Variants in PTPRD observed in about 807,000 individuals in gnomAD.
The protein encoded by PTPRD is protein tyrosine phosphatase receptor type D, also known as receptor-type tyrosine-protein phosphatase delta.
PTPRD carries 34 observed loss-of-function variants against 214.5 expected under a neutral mutation model. The ratio of observed to expected loss-of-function variants is 0.16; its 90% CI spans 0.12 to 0.21. The LOEUF (loss-of-function observed/expected upper bound fraction) is 0.21. Among genes scored for constraint, PTPRD ranks in the 10% least tolerant of loss-of-function variants. The pLI is 1.00. For synonymous variants in PTPRD, 1,128 were observed against 845.7 expected, an observed-to-expected ratio of 1.33 and a Z score of -5.79; for missense variants, 2,545 against 2,398.7, an observed-to-expected ratio of 1.06 and a Z score of -1.27.
chr9:9,887,992 G>A (rs139357782), intron 5 of PTPRD, among the ~76,000 whole-genome samples: 4 of 152,174 alleles, frequency 2.6e-5, no homozygotes, highest in African/African-American at 9.6e-5. Flanking sequence ...AACAGAAAAT[G>A]ACACCTGACG....
chr9:8,861,599 A>C (rs889713441), intron 11 of PTPRD: 1 of 152,212 alleles, frequency 6.6e-6, no homozygotes, highest in African/African-American at 2.4e-5. Flanking sequence ...AATTTGGCCA[A>C]GCTGACACAG....
intron 9 of PTPRD, among the ~76,000 whole-genome samples, chr9:9,248,118 G>A (rs574633609): frequency 6.6e-6 from 1 of 151,660 alleles, no homozygotes; most frequent in East Asian, 1.9e-4. Flanking sequence ...TTTGAGACAG[G>A]GTCTCACTCT....
intron 11 of PTPRD, among the ~76,000 whole-genome samples, chr9:9,010,363 T>C (rs1567571952): frequency 6.6e-6 from 1 of 152,214 alleles, no homozygotes; most frequent in Non-Finnish European, 1.5e-5. Flanking sequence ...TGACATGCTA[T>C]AGGATATTCC....
At chr9:9,422,357 G>A (rs1052320583) in intron 8 of PTPRD, among the ~76,000 whole-genome samples, 1 of 152,078 alleles carries the variant, frequency 6.6e-6, no homozygotes, top group African/African-American at 2.4e-5. Context: ...CAAAATATGA[G>A]TTGCATTATT....
At chr9:10,508,600 G>T (rs182974190) in intron 2 of PTPRD, among the ~76,000 whole-genome samples, 1 of 152,260 alleles carries the variant, frequency 6.6e-6, no homozygotes, top group East Asian at 1.9e-4. Flanking sequence ...TATACACCAT[G>T]GATACTATGC....
At chr9:8,960,491 T>C (rs1588909705) in intron 11 of PTPRD, among the ~76,000 whole-genome samples, 1 of 152,206 alleles carries the variant, frequency 6.6e-6, no homozygotes, top group East Asian at 1.9e-4. Flanking sequence ...CTGACATGGG[T>C]ACCCAGAAAT....
intron 7 of PTPRD, among the ~76,000 whole-genome samples, chr9:9,687,468 G>C (rs2097185582): frequency 6.6e-6 from 1 of 151,704 alleles, no homozygotes; most frequent in Admixed American, 6.6e-5. Context: ...CCAAATGTCA[G>C]ACACCAGTTA....
chr9:8,960,871 G>C (rs2099154981), intron 11 of PTPRD, among the ~76,000 whole-genome samples: 1 of 152,022 alleles, frequency 6.6e-6, no homozygotes, highest in Admixed American at 6.6e-5. Flanking sequence ...GGATAAGAAA[G>C]CACTTAGAAA....
At chr9:9,659,748 T>A (rs1289184068) in intron 7 of PTPRD, among the ~76,000 whole-genome samples, 1 of 152,108 alleles carries the variant, frequency 6.6e-6, no homozygotes, top group Non-Finnish European at 1.5e-5. Flanking sequence ...AAAAGGTGAT[T>A]CAATCTCATC....
intron 5 of PTPRD, among the ~76,000 whole-genome samples, chr9:9,869,619 A>T (rs1334624712): frequency 2.0e-5 from 3 of 152,140 alleles, no homozygotes; most frequent in African/African-American, 7.2e-5. Context: ...GTAAAAGACA[A>T]TACCTAAATC....
intron 2 of PTPRD, among the ~76,000 whole-genome samples, chr9:10,403,589 A>G (rs2098311889): frequency 6.6e-6 from 1 of 151,436 alleles, no homozygotes; most frequent in Admixed American, 6.6e-5. Flanking sequence ...CACTCTGACC[A>G]TGGGCTCCAG....
chr9:9,332,829 T>C (rs866998858), intron 9 of PTPRD, among the ~76,000 whole-genome samples: 2 of 151,970 alleles, frequency 1.3e-5, no homozygotes, highest in Non-Finnish European at 2.9e-5. Context: ...AAATTACATG[T>C]GGAAATTCAA....
At chr9:9,948,720 G>A (rs2093099583) in intron 4 of PTPRD, among the ~76,000 whole-genome samples, 1 of 151,794 alleles carries the variant, frequency 6.6e-6, no homozygotes, top group South Asian at 2.1e-4. Flanking sequence ...GTAATTCTAG[G>A]GGCATTGTTA....
intron 8 of PTPRD, among the ~76,000 whole-genome samples, chr9:9,510,899 C>T (rs887325259): frequency 6.6e-6 from 1 of 151,700 alleles, no homozygotes; most frequent in African/African-American, 2.4e-5. Flanking sequence ...AAAGTTTAAT[C>T]ACTACTTGGT....
intron 2 of PTPRD, among the ~76,000 whole-genome samples, chr9:10,542,865 T>C (rs781548698): frequency 5.3e-5 from 8 of 152,048 alleles, no homozygotes; most frequent in Non-Finnish European, 1.0e-4. Flanking sequence ...ATTACAGACA[T>C]GCACTACCAC....
At chr9:10,046,183 C>T (rs2097391164) in intron 3 of PTPRD, among the ~76,000 whole-genome samples, 1 of 151,742 alleles carries the variant, frequency 6.6e-6, no homozygotes, top group African/African-American at 2.4e-5. Context: ...TCATTAGTGA[C>T]AATAGATAAA....
intron 3 of PTPRD, among the ~76,000 whole-genome samples, chr9:10,205,993 T>A (rs550949163): frequency 3.7e-4 from 55 of 149,032 alleles, no homozygotes; most frequent in African/African-American, 1.2e-3. Context: ...AGTAGAGGAG[T>A]CTGATATGTA....
intron 3 of PTPRD, among the ~76,000 whole-genome samples, chr9:10,081,999 A>G (rs1328352063): frequency 1.3e-5 from 2 of 152,080 alleles, no homozygotes; most frequent in Admixed American, 6.6e-5. Context: ...AGTTTATTCT[A>G]CTTTAATTGG....
chr9:9,503,931 G>A (rs1436793949), intron 8 of PTPRD, among the ~76,000 whole-genome samples: 1 of 151,676 alleles, frequency 6.6e-6, no homozygotes, highest in African/African-American at 2.4e-5. Flanking sequence ...ACCTTGGAAT[G>A]GTGCCACTTT....
Sources: gnomAD v4.1 joint callset for allele counts (sites outside exome capture counted in the v4.1 genomes callset) on GRCh38, gnomAD v4.1.1 for gene constraint, MANE v1.5 for transcripts, NCBI Gene and HGNC (gene_info 2026-07-23, HGNC 2026-07-21) for gene names.